The following CLCN6 variants were observed in gnomAD, a reference collection of about 807,000 sequenced individuals.
CLCN6 encodes H(+)/Cl(-) exchange transporter 6.
A neutral mutation model predicts 109.8 loss-of-function variants in CLCN6; 70 were observed. The ratio of observed to expected loss-of-function variants is 0.64; its 90% CI spans 0.53 to 0.78. CLCN6 has a LOEUF of 0.78. Among genes scored for constraint, CLCN6 ranks in the 30% least tolerant of loss-of-function variants. The probability of loss-of-function intolerance (pLI) is 0.00; values close to 1 mark genes in which losing one functional copy is unlikely to be tolerated. For missense variants in CLCN6, 984 were observed against 1,142.3 expected, an observed-to-expected ratio of 0.86 and a Z score of 2.00; for synonymous variants, 444 against 447.8, an observed-to-expected ratio of 0.99 and a Z score of 0.11.
chr1:11,837,467 G>C lies in CLCN6; in HGVS notation c.2263G>C (p.Val755Leu). ...TCGGTCGCAGCTTGTCACCCTGCTTGTCCGAGGAGTTTGTTACTCTGAAAG... is the reference window on the plus strand; with the variant it reads ...TCGGTCGCAGCTTGTCACCCTGCTTCTCCGAGGAGTTTGTTACTCTGAAAG... The part of the protein sequence containing the change: ...ILRSQLVTLL[V>L]RGVCYSESQS... The change falls in exon 20 of 23, where the codon GTC becomes CTC. Residue 755 changes from valine (V) to leucine (L), a missense_variant. Coordinates refer to ENST00000346436, the MANE Select transcript of CLCN6 (RefSeq NM_001286.5). 1.2e-6 allele frequency: 2 copies of C among 1,614,052 alleles called. No individual in the cohort carries two copies. Among genetic ancestry groups the C allele is most frequent in the Non-Finnish European group, 1.7e-6 (2 of 1,179,950 alleles).
In CLCN6 at chr1:11,810,666, A is replaced by T. The variant is rs113132082; in HGVS notation, c.147+3476A>T. Among the ~76,000 whole-genome samples the T allele has an allele frequency of 3.3e-5, 5 of 152,368 alleles. 1 individual carries two copies. Among genetic ancestry groups the T allele is most frequent in the African/African-American group, 1.2e-4 (5 of 41,588 alleles). On this transcript the variant is annotated intron_variant, in intron 2 of 22. Transcript: ENST00000346436. ...AAGAGCAACATATACTGCAGAAATAAAAAGTTAGTCATAGCAAAGGAGAAG... is the reference window on the plus strand; with the variant it reads ...AAGAGCAACATATACTGCAGAAATATAAAGTTAGTCATAGCAAAGGAGAAG...
chr1:11,806,849 A>T, intron 1 of CLCN6: 1 of 436,870 alleles, frequency 2.3e-6, no homozygotes, highest in South Asian at 3.7e-5. Flanking sequence ...TGGAACCTGC[A>T]TTTTTACCCC....
chr1:11,839,792 G>A (rs1644996429), intron 22 of CLCN6, among the ~76,000 whole-genome samples: 1 of 152,230 alleles, frequency 6.6e-6, no homozygotes, highest in South Asian at 2.1e-4. Flanking sequence ...AAGGTGGTGA[G>A]TATGAGGCAT....
intron 22 of CLCN6, among the ~76,000 whole-genome samples, chr1:11,839,898 G>A (rs1479831482): frequency 3.3e-5 from 5 of 152,236 alleles, no homozygotes; most frequent in African/African-American, 9.6e-5. Flanking sequence ...CTGAGCATGT[G>A]CCCTGTGGAA....
At chr1:11,809,310 G>A (rs1644566093) in intron 2 of CLCN6, among the ~76,000 whole-genome samples, 1 of 152,138 alleles carries the variant, frequency 6.6e-6, no homozygotes, top group Admixed American at 6.5e-5. Context: ...GACTGAGACT[G>A]TCTCACAGCC....
At chr1:11,829,757 C>T (rs1199977512) in intron 13 of CLCN6, 5 of 162,880 alleles carry the variant, frequency 3.1e-5, no homozygotes, top group East Asian at 1.9e-4. Flanking sequence ...AACCTGGGAA[C>T]GACACTGGCG....
Position 11,806,269 on chromosome 1 carries a change from G to A in CLCN6, c.7G>A (p.Gly3Arg), listed in dbSNP as rs1319057021. The A allele has an allele frequency of 6.8e-7, 1 of 1,469,706 alleles. No individual in the cohort carries two copies. Among genetic ancestry groups the A allele is most frequent in the Non-Finnish European group, 9.0e-7 (1 of 1,114,552 alleles). The allele number at this position is 1,469,706 out of a possible 1,614,324, so 91.0% of individuals were successfully genotyped here. A position where few individuals can be genotyped will look rare whatever the true frequency, so the allele number is the denominator to read the frequency against. ...GTGGCAGTAAAGGAGGAAGATGGCG[G>A]GGTGCAGGGGGTCTCTGTGCTGCTG... Reference protein sequence around the residue: MAGCRGSLCCCCR... With the variant: MARCRGSLCCCCR... The change falls in exon 1 of 23, where the codon GGG (glycine) becomes AGG (arginine). Residue 3 changes from glycine (G) to arginine (R), a missense_variant. Coordinates refer to ENST00000346436, the MANE Select transcript of CLCN6 (RefSeq NM_001286.5).
In CLCN6 at chr1:11,828,671, GC is replaced by G. The variant is rs767032416; in HGVS notation, c.1121+48del. On this transcript the variant is annotated intron_variant, in intron 12 of 22. Transcript: ENST00000346436. ...CCCCGAGCCTGCTGCGGCTCCCTGAGCTTGGTGTGGGCCGCGCCATCTCTCC... is the reference window on the plus strand; with the variant it reads ...CCCCGAGCCTGCTGCGGCTCCCTGAGTTGGTGTGGGCCGCGCCATCTCTCC... The G allele has an allele frequency of 5.8e-6, 9 of 1,552,680 alleles. No homozygotes were observed. The East Asian group carries it at 2.0e-4, about 35-fold the overall frequency.
chr1:11,819,362 G>T (rs1644712338), intron 4 of CLCN6, 126 bp from the exon 5 acceptor site: 2 of 832,348 alleles, frequency 2.4e-6, no homozygotes, highest in South Asian at 1.4e-5. Flanking sequence ...TTCACGTACT[G>T]CTGGCTGGTG....
chr1:11,822,603 A>T, intron 5 of CLCN6, 92 bp from the exon 6 acceptor site: 1 of 742,516 alleles, frequency 1.3e-6, no homozygotes, highest in Non-Finnish European at 2.4e-6. Context: ...AGCAGCCAGC[A>T]TGATCCAAAG....
chr1:11,823,286 G>T (rs983958213), intron 6 of CLCN6, among the ~76,000 whole-genome samples: 2 of 150,886 alleles, frequency 1.3e-5, no homozygotes, highest in Non-Finnish European at 3.0e-5. Context: ...GAGAAACCCT[G>T]TCTCTAGTAA....
At chr1:11,822,403 C>CAT (rs1259604890) in intron 5 of CLCN6, among the ~76,000 whole-genome samples, 5 of 152,022 alleles carry the variant, frequency 3.3e-5, no homozygotes, top group Non-Finnish European at 7.4e-5. Context: ...GGACCATAGG[C>CAT]ATATACCTTT....
chr1:11,819,062 T>A (rs2100620898), intron 4 of CLCN6, among the ~76,000 whole-genome samples: 1 of 152,330 alleles, frequency 6.6e-6, no homozygotes, highest in African/African-American at 2.4e-5. Flanking sequence ...TTAAAAACAT[T>A]TATGAGATTT....
intron 8 of CLCN6, among the ~76,000 whole-genome samples, chr1:11,825,563 G>T (rs1254798272): frequency 6.6e-6 from 1 of 152,218 alleles, no homozygotes; most frequent in African/African-American, 2.4e-5. Flanking sequence ...CTAGAAACAC[G>T]AGGGCAGGAA....
intron 10 of CLCN6, among the ~76,000 whole-genome samples, chr1:11,827,624 T>TG (rs1326340356): frequency 1.3e-5 from 2 of 151,616 alleles, no homozygotes; most frequent in African/African-American, 4.9e-5. Context: ...TTAGTAGAGA[T>TG]GGGGCTTCTG....
At chr1:11,826,962 T>C in intron 9 of CLCN6, 127 bp from the exon 10 acceptor site, 4 of 1,209,476 alleles carry the variant, frequency 3.3e-6, no homozygotes, top group Non-Finnish European at 4.6e-6. Flanking sequence ...ACCAGTGACC[T>C]GCCCTTCCAG....
rs1332514162 is a variant in CLCN6, at chr1:11,842,980, G to A, written c.*2757G>A. 6.6e-6 allele frequency: 1 copy of A among 152,188 alleles called. No homozygotes were observed. Among genetic ancestry groups the A allele is most frequent in the African/African-American group, 2.4e-5 (1 of 41,440 alleles). The allele number at this position is 152,188 out of a possible 1,614,324, so 9.4% of individuals were successfully genotyped here. A position where few individuals can be genotyped will look rare whatever the true frequency, so the allele number is the denominator to read the frequency against. On this transcript the variant is annotated 3_prime_UTR_variant, in exon 23 of 23. Coordinates refer to ENST00000346436, the MANE Select transcript of CLCN6 (RefSeq NM_001286.5). ...AGTCGCAGCTTCCTTTTTTCTGTTTGCACTGTTTGTTTGTATGATGTTAGC... is the reference window on the plus strand; with the variant it reads ...AGTCGCAGCTTCCTTTTTTCTGTTTACACTGTTTGTTTGTATGATGTTAGC...
At position 11,834,652 on chromosome 1, in the gene CLCN6, A is replaced by G. The variant is rs1324755489; in HGVS notation, c.1793+62A>G. The G allele has an allele frequency of 1.5e-6, 2 of 1,356,790 alleles. No individual in the cohort carries two copies. The highest frequency in any genetic ancestry group is 4.6e-5 in the East Asian group (2 of 43,548). The allele number at this position is 1,356,790 out of a possible 1,614,324, so 84.0% of individuals were successfully genotyped here. Reference sequence around the variant, plus strand: ...ATGTATAAGCTCTGAGGCCTAAGGAATGTTGTTATTAGGGTAGGAAACAGT... The same window carrying G: ...ATGTATAAGCTCTGAGGCCTAAGGAGTGTTGTTATTAGGGTAGGAAACAGT... On this transcript the variant is annotated intron_variant, in intron 17 of 22. Coordinates refer to ENST00000346436, the MANE Select transcript of CLCN6 (RefSeq NM_001286.5). The surrounding 1 kb of genome is among the most constrained non-coding windows in gnomAD (Gnocchi z 4.5).
rs1430031743 is a variant in CLCN6 at position 11,824,466 on chromosome 1, T to C, written c.581-20T>C. 11 of 1,609,418 alleles carry C rather than the reference T, an allele frequency of 6.8e-6. No individual in the cohort carries two copies. The highest frequency in any genetic ancestry group is 9.3e-6 in the Non-Finnish European group (11 of 1,177,074). Reference sequence around the variant, plus strand: ...CGTTTCTGCACTGACTGTTGGTCTTTCCTTTTTCACCCTGCCCAGGGCTCT... The same window carrying C: ...CGTTTCTGCACTGACTGTTGGTCTTCCCTTTTTCACCCTGCCCAGGGCTCT... On this transcript the variant is annotated intron_variant, in intron 7 of 22. Transcript: ENST00000346436.
Sources: allele counts gnomAD v4.1 joint callset (sites outside exome capture counted in the v4.1 genomes callset), GRCh38; gene constraint gnomAD v4.1.1; non-coding constraint Gnocchi (gnomAD v3.1); transcripts MANE v1.5; gene names NCBI Gene and HGNC (gene_info 2026-07-23, HGNC 2026-07-21).